Variants in FMN1 observed in about 807,000 individuals in gnomAD.
FMN1 encodes formin-1.
A neutral mutation model predicts 132.4 loss-of-function variants in FMN1; 110 were observed. The ratio of observed to expected loss-of-function variants is 0.83; its 90% CI spans 0.71 to 0.97. The LOEUF is 0.97. Among genes scored for constraint, FMN1 ranks in the 50% least tolerant of loss-of-function variants. The pLI is 0.00. For synonymous variants in FMN1, 722 were observed against 651.7 expected (o/e 1.11, Z -1.64); for missense variants, 1,792 against 1,705.3 (o/e 1.05, Z -0.90).
At chr15:33,042,601 A>C (rs895181864) in intron 6 of FMN1, among the ~76,000 whole-genome samples, 1 of 152,252 alleles carries the variant, frequency 6.6e-6, no homozygotes, top group Admixed American at 6.5e-5. Context: ...AAAGTGATTT[A>C]TAAACAAGAG....
chr15:32,981,540 AATAATT>A (rs1193387444), intron 7 of FMN1, among the ~76,000 whole-genome samples: 11 of 101,040 alleles, frequency 1.1e-4, no homozygotes, highest in East Asian at 7.6e-4. Context: ...TAATAATAAT[AATAATT>A]ATTATTATTA....
chr15:33,030,897 C>T (rs745975434), intron 6 of FMN1, among the ~76,000 whole-genome samples: 33 of 152,150 alleles, frequency 2.2e-4, no homozygotes, highest in Admixed American at 3.9e-4. Context: ...TAGGTATACA[C>T]GTGCCATGGT....
intron 17 of FMN1, among the ~76,000 whole-genome samples, chr15:32,847,713 G>C (rs11071992): frequency 0.5 from 76,471 of 151,970 alleles, 20,788 homozygotes; most frequent in Admixed American, 0.61. Context: ...AACTTAGCCA[G>C]GCGTAGTGGC....
chr15:33,117,067 T>A (rs1056464906), intron 4 of FMN1, among the ~76,000 whole-genome samples: 1 of 152,098 alleles, frequency 6.6e-6, no homozygotes, highest in Non-Finnish European at 1.5e-5. Context: ...CTGAGAAATA[T>A]CCTATTTGAA....
chr15:32,986,006 C>G (rs2033045152), intron 7 of FMN1, among the ~76,000 whole-genome samples: 2 of 152,030 alleles, frequency 1.3e-5, no homozygotes, highest in Admixed American at 6.6e-5. Context: ...TGAGAGACAA[C>G]AAGATGATGG....
chr15:33,171,284 G>A (rs1404678228), intron 3 of FMN1, among the ~76,000 whole-genome samples: 1 of 152,130 alleles, frequency 6.6e-6, no homozygotes, highest in African/African-American at 2.4e-5. Context: ...GAAGAAACAA[G>A]TTCTGATGGG....
At chr15:32,959,456 C>T (rs182048278) in intron 9 of FMN1, among the ~76,000 whole-genome samples, 4 of 152,270 alleles carry the variant, frequency 2.6e-5, no homozygotes, top group Admixed American at 2.6e-4. Flanking sequence ...TTCTTTAAAA[C>T]TTAAAACCTC....
chr15:33,141,089 C>T (rs533491657), intron 4 of FMN1, among the ~76,000 whole-genome samples: 15 of 152,094 alleles, frequency 9.9e-5, no homozygotes, highest in East Asian at 1.9e-4. Flanking sequence ...ACAAATATCT[C>T]CTCCCAGCTT....
chr15:32,948,371 CCTGTAGTTT>C (rs1258242684), intron 9 of FMN1, among the ~76,000 whole-genome samples: 1 of 151,802 alleles, frequency 6.6e-6, no homozygotes, highest in East Asian at 1.9e-4. Context: ...GAGAAATTGT[CCTGTAGTTT>C]CTTTTACTTC....
chr15:32,774,172 G>A lies in FMN1; in HGVS notation c.*138C>T. On this transcript the variant is annotated 3_prime_UTR_variant, in exon 21 of 21. Transcript: ENST00000616417. ...AAGAAGGCATGGGGCACTCTCTGCA[G>A]ATGACCTCAGAAAGAGATGAGCAAA... The A allele has an allele frequency of 1.4e-6, 1 of 711,012 alleles. No individual in the cohort carries two copies. The highest frequency in any genetic ancestry group is 2.7e-5 in the Admixed American group (1 of 37,262). 44.0% of individuals were successfully genotyped at this position (711,012 alleles called of 1,614,324 possible).
intron 20 of FMN1, 146 bp downstream of exon 20, chr15:32,776,689 T>A: frequency 5.5e-6 from 1 of 182,124 alleles, no homozygotes; most frequent in Non-Finnish European, 1.0e-5. Flanking sequence ...CACACATACT[T>A]TTTTTTTTTT....
intron 5 of FMN1, among the ~76,000 whole-genome samples, chr15:33,070,637 C>T (rs1363922373): frequency 6.6e-6 from 1 of 152,120 alleles, no homozygotes; most frequent in Non-Finnish European, 1.5e-5. Context: ...AGGAGATTAT[C>T]TGATTTCATC....
intron 19 of FMN1, among the ~76,000 whole-genome samples, chr15:32,791,367 C>CT (rs34331378): frequency 4.5e-4 from 66 of 147,952 alleles, no homozygotes; most frequent in Admixed American, 2.0e-3. Flanking sequence ...AGCAATAAAC[C>CT]TTTTTTTTTT....
chr15:32,932,845 TTCTC>T (rs936317228), intron 9 of FMN1, among the ~76,000 whole-genome samples: 11 of 152,034 alleles, frequency 7.2e-5, no homozygotes, highest in Non-Finnish European at 1.3e-4. Flanking sequence ...TTGTAATGTC[TTCTC>T]TCTCATTTTG....
chr15:32,831,744 CT>C (rs200268378), intron 17 of FMN1, among the ~76,000 whole-genome samples: 30,361 of 141,040 alleles, frequency 0.22, 3,366 homozygotes, highest in East Asian at 0.51. Flanking sequence ...AGAATGCAGC[CT>C]TTTTTTTTTT....
chr15:33,020,601 G>A (rs1208263129), intron 6 of FMN1, among the ~76,000 whole-genome samples: 2 of 147,958 alleles, frequency 1.4e-5, no homozygotes, highest in Non-Finnish European at 3.0e-5. Flanking sequence ...TCACGCCATT[G>A]CACTCCAGCC....
chr15:32,968,646 G>T, intron 8 of FMN1, 68 bp downstream of exon 8: 4 of 1,597,764 alleles, frequency 2.5e-6, no homozygotes, highest in Non-Finnish European at 2.6e-6. Flanking sequence ...GACCCGGTAA[G>T]AATAAAATAT....
chr15:33,161,860 A>G (rs1427477929), intron 3 of FMN1, among the ~76,000 whole-genome samples: 2 of 151,808 alleles, frequency 1.3e-5, no homozygotes, highest in Non-Finnish European at 2.9e-5. Flanking sequence ...GGAGCTTGCA[A>G]TGAGACGAGA....
intron 4 of FMN1, among the ~76,000 whole-genome samples, chr15:33,107,764 T>C (rs1371074335): frequency 5.3e-5 from 8 of 152,136 alleles, no homozygotes; most frequent in Admixed American, 5.2e-4. Context: ...AACTAAATAA[T>C]GAATGAGTCT....
Sources: gnomAD v4.1 joint callset for allele counts (sites outside exome capture counted in the v4.1 genomes callset) on GRCh38, gnomAD v4.1.1 for gene constraint, MANE v1.5 for transcripts, NCBI Gene and HGNC (gene_info 2026-07-23, HGNC 2026-07-21) for gene names.